The following VPS8 variants were observed in gnomAD, a reference collection of about 807,000 sequenced individuals.
The protein encoded by VPS8 is vacuolar protein sorting-associated protein 8 homolog.
VPS8 carries 129 observed loss-of-function variants against 216.4 expected under a neutral mutation model. That is an observed-to-expected ratio of 0.60 (90% CI 0.52 to 0.69). The LOEUF (loss-of-function observed/expected upper bound fraction) is 0.69. Among genes scored for constraint, VPS8 ranks in the 30% least tolerant of loss-of-function variants. VPS8 has a pLI of 0.00. For missense variants in VPS8, 1,531 were observed against 1,683.5 expected (o/e 0.91, Z 1.59); for synonymous variants, 571 against 565.4 (o/e 1.01, Z -0.14).
intron 46 of VPS8, among the ~76,000 whole-genome samples, chr3:185,040,009 G>A (rs999074994): frequency 1.3e-5 from 2 of 152,296 alleles, no homozygotes; most frequent in East Asian, 1.9e-4. Context: ...AACATGGCAA[G>A]AGGAGCACCA....
intron 45 of VPS8, among the ~76,000 whole-genome samples, chr3:185,002,670 T>G (rs1753576852): frequency 6.6e-6 from 1 of 152,190 alleles, no homozygotes; most frequent in Non-Finnish European, 1.5e-5. Context: ...ATTCCATAGT[T>G]AAGCTCCCAC....
At chr3:184,894,665 T>A in intron 22 of VPS8, 38 bp from the exon 23 acceptor site, 6 of 1,475,560 alleles carry the variant, frequency 4.1e-6, no homozygotes, top group Non-Finnish European at 5.6e-6. Context: ...ATATTTGGCA[T>A]GTTCCTAAAA....
Position 184,915,352 on chromosome 3 carries a change from C to A in VPS8, c.2263-3C>A. ...TAATCAACATTTTTTTCCCAACTTGCAGGTTTTTGAATTTCTAATTCGCCT... is the reference window on the plus strand; with the variant it reads ...TAATCAACATTTTTTTCCCAACTTGAAGGTTTTTGAATTTCTAATTCGCCT... On this transcript the variant is annotated splice_region_variant and splice_polypyrimidine_tract_variant and intron_variant, in intron 27 of 47. Transcript: ENST00000625842. 1 of 1,609,886 alleles carries A rather than the reference C, an allele frequency of 6.2e-7. No individual in the cohort carries two copies. The highest frequency in any genetic ancestry group is 2.2e-5 in the East Asian group (1 of 44,826).
intron 36 of VPS8, among the ~76,000 whole-genome samples, chr3:184,956,044 A>G (rs951785741): frequency 1.3e-5 from 2 of 152,160 alleles, no homozygotes; most frequent in Admixed American, 6.5e-5. Context: ...ATCAGCAAGT[A>G]TTGAAAGTTC....
intron 28 of VPS8, among the ~76,000 whole-genome samples, chr3:184,917,637 C>T (rs1737843523): frequency 6.6e-6 from 1 of 152,220 alleles, no homozygotes; most frequent in Admixed American, 6.5e-5. Flanking sequence ...AACTCCTGAC[C>T]TCAGGTGATC....
Position 184,957,477 on chromosome 3 carries a change from ACT to A in VPS8, c.3142_3143del (p.Leu1048AlafsTer4). Reference protein sequence around the residue: ...CQFNPTQVIETLQVLECYRLE... With the variant: ...CQFNPTQVIEXLQVLECYRLE... ...GTTCAACCCAACCCAAGTTATAGAG[ACT>A]CTGCAAGTCCTTGAGTGCTACCGTC... is the stretch of plus-strand genomic sequence containing the variant. On this transcript the variant is annotated frameshift_variant, in exon 37 of 48. Transcript: ENST00000625842. LOFTEE classifies it high-confidence loss of function. 1 of 1,612,528 alleles carries A rather than the reference ACT, an allele frequency of 6.2e-7. No homozygotes were observed. The highest frequency in any genetic ancestry group is 1.7e-5 in the Admixed American group (1 of 59,808).
At chr3:185,027,495 G>T (rs1577211236) in intron 46 of VPS8, among the ~76,000 whole-genome samples, 1 of 152,036 alleles carries the variant, frequency 6.6e-6, no homozygotes, top group Non-Finnish European at 1.5e-5. Context: ...GCCTGTCTCA[G>T]CCTCCCAAAG....
intron 1 of VPS8, among the ~76,000 whole-genome samples, chr3:184,814,837 T>G (rs1715959800): frequency 6.6e-6 from 1 of 152,214 alleles, no homozygotes; most frequent in African/African-American, 2.4e-5. Context: ...AACCTTAGCT[T>G]ACTGTAATGT....
chr3:184,940,374 G>A (rs1306667143), intron 36 of VPS8, 131 bp downstream of exon 36: 3 of 275,266 alleles, frequency 1.1e-5, no homozygotes, highest in Non-Finnish European at 2.0e-5. Context: ...ATTAGTAGGA[G>A]CAACTGTTAC....
intron 35 of VPS8, among the ~76,000 whole-genome samples, chr3:184,939,005 G>C (rs1017893765): frequency 5.7e-4 from 86 of 149,792 alleles, no homozygotes; most frequent in African/African-American, 2.1e-3. Flanking sequence ...ACTCCAGCCT[G>C]GGTGACAGAG....
rs923441574 is a variant in VPS8 at position 184,969,265 on chromosome 3, G to A, written c.3317-2384G>A. The stretch of plus-strand genomic sequence containing the variant: ...CCCGAGTAGCTGGGATTATAGGTGC[G>A]TGCCACCACACCCGGCTAATTTTTG... On this transcript the variant is annotated intron_variant, in intron 39 of 47. Transcript: ENST00000625842. Among the ~76,000 whole-genome samples, 10 of 151,180 alleles carry A rather than the reference G, an allele frequency of 6.6e-5. No homozygotes were observed. The East Asian group carries it at 1.6e-3, about 24-fold the overall frequency.
chr3:184,823,241 G>A (rs1405865383), intron 1 of VPS8, among the ~76,000 whole-genome samples: 1 of 152,216 alleles, frequency 6.6e-6, no homozygotes, highest in East Asian at 1.9e-4. Context: ...AGCCAGGCAT[G>A]ATGGCACATG....
chr3:184,835,575 G>A (rs1260058702), intron 5 of VPS8, among the ~76,000 whole-genome samples: 1 of 152,136 alleles, frequency 6.6e-6, no homozygotes, highest in Non-Finnish European at 1.5e-5. Context: ...TGAGTACAAT[G>A]TACAGATTCT....
intron 42 of VPS8, among the ~76,000 whole-genome samples, chr3:184,990,824 T>G (rs756566014): frequency 3.3e-5 from 5 of 152,162 alleles, no homozygotes; most frequent in Admixed American, 1.3e-4. Context: ...ATGAAAAAAT[T>G]AGTTTTTCCA....
chr3:184,862,793 C>T (rs1726612367), intron 15 of VPS8, 104 bp from the exon 16 acceptor site: 2 of 1,185,060 alleles, frequency 1.7e-6, no homozygotes, highest in African/African-American at 1.5e-5. Context: ...TTAAATGGAT[C>T]AAGTCCTCAA....
chr3:184,829,588 T>C (rs1719558216), intron 3 of VPS8, among the ~76,000 whole-genome samples: 2 of 152,168 alleles, frequency 1.3e-5, no homozygotes, highest in Admixed American at 6.5e-5. Flanking sequence ...ATATTCAGCT[T>C]TGGTATATAT....
At chr3:184,836,128 A>G (rs1395708381) in intron 5 of VPS8, 2 of 370,108 alleles carry the variant, frequency 5.4e-6, no homozygotes, top group East Asian at 7.3e-5. Flanking sequence ...AACAACAACA[A>G]AAGTATTTAC....
chr3:185,011,555 G>A (rs992487724), intron 45 of VPS8, among the ~76,000 whole-genome samples: 6 of 152,214 alleles, frequency 3.9e-5, no homozygotes, highest in African/African-American at 1.4e-4. Flanking sequence ...CTTCCAGAAA[G>A]CAGCATCAGG....
intron 14 of VPS8, 67 bp downstream of exon 14, chr3:184,855,885 T>G: frequency 7.9e-7 from 1 of 1,273,412 alleles, no homozygotes; most frequent in Non-Finnish European, 1.1e-6. Context: ...ATTAATAATG[T>G]GTCAGAGAAA....
Sources: gnomAD v4.1 joint callset for allele counts (sites outside exome capture counted in the v4.1 genomes callset) on GRCh38, gnomAD v4.1.1 for gene constraint, MANE v1.5 for transcripts, NCBI Gene and HGNC (gene_info 2026-07-23, HGNC 2026-07-21) for gene names.